ZFYVE9: variants seen among roughly 807,000 people sequenced by gnomAD.
ZFYVE9 encodes zinc finger FYVE-type containing 9.
ZFYVE9 carries 43 observed loss-of-function variants against 126.7 expected under a neutral mutation model. That is an observed-to-expected ratio of 0.34 (90% CI 0.27 to 0.44). The LOEUF (loss-of-function observed/expected upper bound fraction) is 0.44, where lower values mean the gene tolerates loss of function less well. Among genes scored for constraint, ZFYVE9 ranks in the 20% least tolerant of loss-of-function variants. ZFYVE9 has a pLI of 1.00. For missense variants in ZFYVE9, 1,476 were observed against 1,697.0 expected (o/e 0.87, Z 2.29); for synonymous variants, 521 against 597.4 (o/e 0.87, Z 1.87).
chr1:52,283,420 GAAGCAGTGTGAAAAATGGATCA>G (rs1227448487), intron 10 of ZFYVE9, among the ~76,000 whole-genome samples: 1 of 152,164 alleles, frequency 6.6e-6, no homozygotes, highest in African/African-American at 2.4e-5. Flanking sequence ...GATGACTCTG[GAAGCAGTGTGAAAAATGGATCA>G]AAGTCCGTGA....
intron 15 of ZFYVE9, chr1:52,335,133 C>G (rs775769244): frequency 6.1e-6 from 1 of 163,838 alleles, no homozygotes; most frequent in Non-Finnish European, 1.3e-5. Flanking sequence ...ATGGCATGTG[C>G]TTGCTGCTAG....
chr1:52,342,370 A>G (rs1646445429), intron 17 of ZFYVE9, among the ~76,000 whole-genome samples: 1 of 146,422 alleles, frequency 6.8e-6, no homozygotes. Context: ...GGTACACACC[A>G]TTCTCCTGCC....
chr1:52,264,088 G>T, intron 5 of ZFYVE9: 1 of 306,238 alleles, frequency 3.3e-6, no homozygotes. Flanking sequence ...GCTAAAGCCA[G>T]GTAAGTTTTG....
intron 2 of ZFYVE9, among the ~76,000 whole-genome samples, chr1:52,219,804 G>GTGTGTGTGTGTGTGTGTGT (rs1553126056): frequency 1.1e-5 from 1 of 88,086 alleles, no homozygotes; most frequent in Admixed American, 1.2e-4. Flanking sequence ...TGTGTGTGTG[G>GTGTGTGTGTGTGTGTGTGT]CAGAGTCTTA....
At chr1:52,332,648 C>T in intron 13 of ZFYVE9, 120 bp from the exon 14 acceptor site, 3 of 1,210,670 alleles carry the variant, frequency 2.5e-6, no homozygotes, top group East Asian at 2.6e-5. Context: ...TTTGGTGGCC[C>T]TTTTTGTCAC....
At chr1:52,156,866 G>A (rs1007876974) in intron 1 of ZFYVE9, among the ~76,000 whole-genome samples, 2 of 146,928 alleles carry the variant, frequency 1.4e-5, no homozygotes, top group Non-Finnish European at 3.0e-5. Context: ...ACGGAGTCTC[G>A]CTGTCGCCCA....
Position 52,293,395 on chromosome 1 carries a change from A to AAG in ZFYVE9, c.3026-57_3026-56insGA, listed in dbSNP as rs1553133179. 1,283 of 1,318,264 alleles carry AAG rather than the reference A, an allele frequency of 9.7e-4. 1 individual carries two copies. The highest frequency in any genetic ancestry group is 8.1e-3 in the African/African-American group (508 of 62,656). The allele number at this position is 1,318,264 out of a possible 1,614,324, so 81.7% of individuals were successfully genotyped here. ...CCGTCTCAAAAAAAAAAAAAAAAAA[A>AAG]AAAGAAATATGATTAATTTATTGAT... On this transcript the variant is annotated intron_variant, in intron 10 of 18. Coordinates refer to ENST00000287727, the MANE Select transcript of ZFYVE9 (RefSeq NM_004799.4).
Position 52,293,479 on chromosome 1 carries a change from T to G in ZFYVE9, c.3052T>G (p.Ser1018Ala). ...AGNVVSNLGH[S>A]FFSQSFLGSK... ...GAATGTGGTGAGCAACTTGGGACAT[T>G]CCTTCTTCAGTCAAAGTTTCCTTGG... The change falls in exon 11 of 19, where the codon TCC becomes GCC. Residue 1018 changes from serine to alanine, a missense_variant. Ser to Ala is a moderately conservative substitution (Grantham distance 99). Transcript: ENST00000287727. 6.2e-7 allele frequency: 1 copy of G among 1,613,976 alleles called. No homozygotes were observed. Among genetic ancestry groups the G allele is most frequent in the Non-Finnish European group, 8.5e-7 (1 of 1,179,962 alleles).
intron 1 of ZFYVE9, among the ~76,000 whole-genome samples, chr1:52,154,680 T>C (rs979446550): frequency 2.0e-5 from 3 of 152,216 alleles, no homozygotes; most frequent in Non-Finnish European, 4.4e-5. Flanking sequence ...TTGGCCAGTC[T>C]ACTTGCCATT....
At chr1:52,263,670 A>C in intron 4 of ZFYVE9, 103 bp from the exon 5 acceptor site, 1 of 536,298 alleles carries the variant, frequency 1.9e-6, no homozygotes, top group African/African-American at 2.0e-5. Context: ...ATTGTAGTTT[A>C]ATAAGGTTCA....
At chr1:52,180,467 C>A (rs1021779193) in intron 1 of ZFYVE9, 2 of 1,063,844 alleles carry the variant, frequency 1.9e-6, no homozygotes, top group Non-Finnish European at 2.9e-6. Context: ...TGGAGGAAAA[C>A]CCTAAGAAGC....
chr1:52,224,367 A>G (rs1340279683), intron 2 of ZFYVE9, among the ~76,000 whole-genome samples: 3 of 152,088 alleles, frequency 2.0e-5, no homozygotes, highest in Non-Finnish European at 2.9e-5. Flanking sequence ...TAGGCAGGGG[A>G]AGGTGGTCTA....
chr1:52,152,973 C>A (rs1000591996), intron 1 of ZFYVE9, among the ~76,000 whole-genome samples: 1 of 152,184 alleles, frequency 6.6e-6, no homozygotes, highest in Admixed American at 6.5e-5. Flanking sequence ...CTGAAAAAAT[C>A]TCAGTCAACC....
chr1:52,311,835 G>T (rs1264427752), intron 13 of ZFYVE9, among the ~76,000 whole-genome samples: 1 of 151,542 alleles, frequency 6.6e-6, no homozygotes, highest in African/African-American at 2.4e-5. Flanking sequence ...CCATCGCCCA[G>T]GCTGGAGTGC....
chr1:52,272,011 G>A (rs1645697827), intron 7 of ZFYVE9, among the ~76,000 whole-genome samples: 1 of 151,910 alleles, frequency 6.6e-6, no homozygotes, highest in Admixed American at 6.6e-5. Context: ...GGCAAATTTT[G>A]TATTTTTAGT....
intron 1 of ZFYVE9, among the ~76,000 whole-genome samples, chr1:52,155,332 T>C (rs1644393149): frequency 1.3e-5 from 2 of 151,344 alleles, no homozygotes; most frequent in African/African-American, 4.9e-5. Flanking sequence ...CCCCCGGGGT[T>C]CATGCCATTC....
At chr1:52,191,114 T>C (rs1168626874) in intron 1 of ZFYVE9, among the ~76,000 whole-genome samples, 2 of 152,028 alleles carry the variant, frequency 1.3e-5, no homozygotes, top group Admixed American at 6.6e-5. Context: ...AATTTTTGTA[T>C]TTTTTTGTAG....
chr1:52,344,100 T>TC (rs1303973209), intron 17 of ZFYVE9, among the ~76,000 whole-genome samples: 3 of 151,976 alleles, frequency 2.0e-5, no homozygotes, highest in Non-Finnish European at 2.9e-5. Context: ...TCCTTTAACT[T>TC]CCTTTAGTCC....
At chr1:52,311,871 A>G (rs550637862) in intron 13 of ZFYVE9, among the ~76,000 whole-genome samples, 45 of 151,912 alleles carry the variant, frequency 3.0e-4, no homozygotes, top group Middle Eastern at 3.4e-3. Context: ...GCTCAGTGCA[A>G]CTTTCGCTTC....
Sources: gnomAD v4.1 joint callset for allele counts (sites outside exome capture counted in the v4.1 genomes callset) on GRCh38, gnomAD v4.1.1 for gene constraint, MANE v1.5 for transcripts, NCBI Gene and HGNC (gene_info 2026-07-23, HGNC 2026-07-21) for gene names.